The following DAB1 variants were observed in gnomAD, a reference collection of about 807,000 sequenced individuals.
The protein encoded by DAB1 is disabled homolog 1.
DAB1 carries 15 observed loss-of-function variants against 64.6 expected under a neutral mutation model. The observed-to-expected ratio is 0.23, with a 90% confidence interval of 0.16 to 0.36. The LOEUF (loss-of-function observed/expected upper bound fraction) is 0.36, where lower values mean the gene tolerates loss of function less well. Ranked by LOEUF, DAB1 falls within the 10% of genes least tolerant of loss-of-function variation. The pLI is 1.00. For synonymous variants in DAB1, 235 were observed against 251.9 expected (o/e 0.93, Z 0.64); for missense variants, 596 against 706.7 (o/e 0.84, Z 1.78).
chr1:57,334,577 A>T (rs1219015873), intron 1 of DAB1, among the ~76,000 whole-genome samples: 1 of 152,228 alleles, frequency 6.6e-6, no homozygotes, highest in Non-Finnish European at 1.5e-5. Context: ...ACAAATATAA[A>T]TTGATTTAGT....
intron 6 of DAB1, among the ~76,000 whole-genome samples, chr1:57,794,104 ACCATGTT>A (rs1488880538): frequency 2.6e-5 from 4 of 152,114 alleles, no homozygotes; most frequent in African/African-American, 9.7e-5. Flanking sequence ...TAATCCTGCT[ACCATGTT>A]CCAAATGCAA....
chr1:57,459,714 T>C (rs17115828), intron 7 of DAB1, among the ~76,000 whole-genome samples: 5,221 of 152,236 alleles, frequency 0.034, 304 homozygotes, highest in African/African-American at 0.12. Context: ...GCAAATTACA[T>C]AGAACAAAGA....
intron 5 of DAB1, among the ~76,000 whole-genome samples, chr1:57,964,616 G>A (rs1259530759): frequency 6.6e-6 from 1 of 151,782 alleles, no homozygotes; most frequent in Non-Finnish European, 1.5e-5. Flanking sequence ...CATTACAATT[G>A]TTTACACCCC....
chr1:57,393,666 T>C (rs954693608), intron 1 of DAB1, among the ~76,000 whole-genome samples: 28 of 152,202 alleles, frequency 1.8e-4, no homozygotes, highest in Middle Eastern at 3.4e-3. Flanking sequence ...TCTCAAAAAA[T>C]GAAAATCAAA....
intron 5 of DAB1, chr1:58,048,508 T>C (rs938413981): frequency 1.1e-5 from 15 of 1,327,188 alleles, no homozygotes; most frequent in Non-Finnish European, 1.6e-5. Flanking sequence ...CTCTGCTTCC[T>C]CCAGAGTAAC....
At chr1:57,191,481 T>C (rs1664117434) in intron 2 of DAB1, among the ~76,000 whole-genome samples, 1 of 152,168 alleles carries the variant, frequency 6.6e-6, no homozygotes, top group African/African-American at 2.4e-5. Context: ...ACCATGACTA[T>C]GGCCTCTTAG....
intron 2 of DAB1, among the ~76,000 whole-genome samples, chr1:57,202,767 A>G (rs545217946): frequency 6.6e-6 from 1 of 152,290 alleles, no homozygotes; most frequent in South Asian, 2.1e-4. Flanking sequence ...TTTCTGTACA[A>G]ATCAGATCAT....
rs530820516 is a variant in DAB1, at chr1:57,951,298, C to T, written n.388-67136G>A. On this transcript the variant is annotated intron_variant and non_coding_transcript_variant, in intron 5 of 20. Transcript: ENST00000485760. Reference sequence around the variant, plus strand: ...TTGTATGACTTTCTTAAAACAGATCCGGGAAGAGGAGCCTGATTCATATAT... The same window carrying T: ...TTGTATGACTTTCTTAAAACAGATCTGGGAAGAGGAGCCTGATTCATATAT... Among the ~76,000 whole-genome samples, 89 of 81,818 alleles carry T rather than the reference C, an allele frequency of 1.1e-3. 4 individuals are homozygous for T. The highest frequency in any genetic ancestry group is 1.7e-3 in the African/African-American group (38 of 22,012). 53.7% of individuals were successfully genotyped at this position (81,818 alleles called of 152,430 possible).
At chr1:57,448,189 A>G (rs1019472909) in intron 7 of DAB1, among the ~76,000 whole-genome samples, 1 of 152,172 alleles carries the variant, frequency 6.6e-6, no homozygotes, top group African/African-American at 2.4e-5. Flanking sequence ...TTTCCCAATA[A>G]CCTAATAGTT....
chr1:58,367,568 T>C (rs1477105466), intron 3 of DAB1, among the ~76,000 whole-genome samples: 2 of 152,186 alleles, frequency 1.3e-5, no homozygotes, highest in Admixed American at 6.5e-5. Flanking sequence ...TTTGGTACCA[T>C]CTCTTGGGTA....
chr1:58,227,705 A>G (rs1272921187), intron 4 of DAB1, among the ~76,000 whole-genome samples: 1 of 152,194 alleles, frequency 6.6e-6, no homozygotes, highest in Non-Finnish European at 1.5e-5. Flanking sequence ...AGGGAGAAGT[A>G]GGTCATGGAG....
chr1:57,319,708 G>A (rs1675533964), intron 1 of DAB1, among the ~76,000 whole-genome samples: 1 of 152,020 alleles, frequency 6.6e-6, no homozygotes, highest in Non-Finnish European at 1.5e-5. Flanking sequence ...ACTCCCTTCT[G>A]GCTAGAAGTG....
chr1:58,531,384 A>G (rs1450468141), intron 1 of DAB1, among the ~76,000 whole-genome samples: 2 of 152,216 alleles, frequency 1.3e-5, no homozygotes, highest in Non-Finnish European at 2.9e-5. Context: ...ATCAGGTTCT[A>G]TGAATTTTTG....
At chr1:57,744,212 T>C (rs1648150879) in intron 6 of DAB1, among the ~76,000 whole-genome samples, 1 of 152,218 alleles carries the variant, frequency 6.6e-6, no homozygotes, top group African/African-American at 2.4e-5. Context: ...CGGAAGGCTG[T>C]TGGCATCCAT....
At chr1:57,809,399 T>C (rs201059224) in intron 6 of DAB1, among the ~76,000 whole-genome samples, 2 of 152,220 alleles carry the variant, frequency 1.3e-5, no homozygotes, top group East Asian at 3.8e-4. Context: ...GCAGGTATCA[T>C]TATCCCTGTT....
intron 2 of DAB1, among the ~76,000 whole-genome samples, chr1:57,194,724 C>T (rs1197148433): frequency 6.6e-6 from 1 of 152,166 alleles, no homozygotes; most frequent in Non-Finnish European, 1.5e-5. Flanking sequence ...GTGCTAGTGA[C>T]AGTTGTGTGC....
chr1:57,257,623 C>T (rs568901241), intron 2 of DAB1, among the ~76,000 whole-genome samples: 1 of 152,230 alleles, frequency 6.6e-6, no homozygotes, highest in Non-Finnish European at 1.5e-5. Flanking sequence ...AATAAATTCC[C>T]CCAAACTTGG....
At chr1:57,538,858 C>T (rs566743785) in intron 7 of DAB1, among the ~76,000 whole-genome samples, 1 of 152,328 alleles carries the variant, frequency 6.6e-6, no homozygotes, top group East Asian at 1.9e-4. Flanking sequence ...CTCACCCCCC[C>T]TACAACTCTC....
intron 4 of DAB1, among the ~76,000 whole-genome samples, chr1:58,332,486 TTA>T (rs1662993432): frequency 6.6e-6 from 1 of 152,188 alleles, no homozygotes; most frequent in Non-Finnish European, 1.5e-5. Flanking sequence ...CACATAAAAG[TTA>T]TGTCTACACT....
Sources: allele counts gnomAD v4.1 joint callset (sites outside exome capture counted in the v4.1 genomes callset), GRCh38; gene constraint gnomAD v4.1.1; transcripts MANE v1.5; gene names NCBI Gene and HGNC (gene_info 2026-07-23, HGNC 2026-07-21).